Variants in NELL2 observed in about 807,000 individuals in gnomAD.
NELL2 encodes the protein neural EGFL like 2.
A neutral mutation model predicts 109.6 loss-of-function variants in NELL2; 41 were observed. The observed-to-expected ratio is 0.37, with a 90% CI of 0.29 to 0.49. The LOEUF (loss-of-function observed/expected upper bound fraction) is 0.49. Among genes scored for constraint, NELL2 ranks in the 20% least tolerant of loss-of-function variants. The pLI is 0.98. For synonymous variants in NELL2, 355 were observed against 344.7 expected (o/e 1.03, Z -0.33); for missense variants, 900 against 1,008.3 (o/e 0.89, Z 1.45).
intron 3 of NELL2, among the ~76,000 whole-genome samples, chr12:44,806,504 A>C (rs1487286363): frequency 6.6e-6 from 1 of 151,912 alleles, no homozygotes; most frequent in Non-Finnish European, 1.5e-5. Context: ...AATTGTATAC[A>C]TATTAAAATC....
chr12:44,865,932 T>C (rs536466992), intron 2 of NELL2, among the ~76,000 whole-genome samples: 1 of 152,252 alleles, frequency 6.6e-6, no homozygotes, highest in Non-Finnish European at 1.5e-5. Context: ...CTTTCCGAGA[T>C]TCAAATGTTG....
intron 13 of NELL2, among the ~76,000 whole-genome samples, chr12:44,650,753 GTCTTTCTTTCTTTCTT>G (rs34696718): frequency 0.039 from 5,895 of 150,538 alleles, 368 homozygotes; most frequent in African/African-American, 0.13. Context: ...AGAGGTCTCT[GTCTTTCTTTCTTTCTT>G]TCTTTCTTTC....
At chr12:44,739,149 G>A (rs923437554) in intron 9 of NELL2, among the ~76,000 whole-genome samples, 1 of 152,024 alleles carries the variant, frequency 6.6e-6, no homozygotes, top group Non-Finnish European at 1.5e-5. Context: ...AGTCCCAAGG[G>A]TTGCCTCTCA....
chr12:44,832,036 T>A (rs1943904383), intron 2 of NELL2, among the ~76,000 whole-genome samples: 2 of 152,252 alleles, frequency 1.3e-5, no homozygotes, highest in Admixed American at 6.5e-5. Flanking sequence ...AATTTTTTTC[T>A]GTATAAAAAC....
intron 13 of NELL2, among the ~76,000 whole-genome samples, chr12:44,635,618 C>G (rs1324177294): frequency 6.6e-6 from 1 of 151,938 alleles, no homozygotes; most frequent in African/African-American, 2.4e-5. Flanking sequence ...ATTTCTGAGG[C>G]CTCTGTTCTG....
rs925589161 is a variant in NELL2 at position 44,600,166 on chromosome 12, T to G, written c.1663+7003A>C. 1.2e-4 allele frequency among the ~76,000 whole-genome samples: 18 copies of G among 148,312 alleles called. No homozygotes were observed. The East Asian group carries it at 3.5e-3, about 29-fold the overall frequency. On this transcript the variant is annotated intron_variant, in intron 15 of 19. Coordinates refer to ENST00000429094, the MANE Select transcript of NELL2 (RefSeq NM_001145108.2). ...TTTATTTATTTATTTATTTATTTAT[T>G]TATTTATTTATTTATTGTATTTTTA... is the stretch of plus-strand genomic sequence containing the variant.
intron 13 of NELL2, among the ~76,000 whole-genome samples, chr12:44,625,448 C>T (rs998563319): frequency 6.6e-6 from 1 of 152,068 alleles, no homozygotes; most frequent in Non-Finnish European, 1.5e-5. Context: ...CAAAAGGAGG[C>T]CCCTAGCTCC....
At chr12:44,761,021 ATAAT>A (rs1360440742) in intron 9 of NELL2, among the ~76,000 whole-genome samples, 3 of 152,236 alleles carry the variant, frequency 2.0e-5, no homozygotes, top group Admixed American at 6.5e-5. Context: ...AAAAATGCAA[ATAAT>A]TAATTTTTAA....
At chr12:44,631,060 G>T (rs1311489943) in intron 13 of NELL2, among the ~76,000 whole-genome samples, 1 of 151,662 alleles carries the variant, frequency 6.6e-6, no homozygotes, top group Admixed American at 6.6e-5. Context: ...CATCCTCATT[G>T]AATTTCCTAC....
chr12:44,559,928 G>C (rs1445296870), intron 15 of NELL2, among the ~76,000 whole-genome samples: 1 of 152,110 alleles, frequency 6.6e-6, no homozygotes, highest in Non-Finnish European at 1.5e-5. Flanking sequence ...ATAACTGGAA[G>C]TAAAAACTCC....
chr12:44,519,837 T>G (rs1047754755), intron 19 of NELL2, among the ~76,000 whole-genome samples, 168 bp downstream of exon 19: 5 of 137,648 alleles, frequency 3.6e-5, no homozygotes, highest in African/African-American at 1.7e-4. Flanking sequence ...TGGATGTCCA[T>G]GACAGCCCTG....
intron 12 of NELL2, among the ~76,000 whole-genome samples, chr12:44,677,830 A>G (rs2048924309): frequency 6.6e-6 from 1 of 152,104 alleles, no homozygotes; most frequent in African/African-American, 2.4e-5. Flanking sequence ...GTGGGTCCAT[A>G]GTGTAGGGAA....
intron 15 of NELL2, among the ~76,000 whole-genome samples, chr12:44,561,305 C>T (rs957910293): frequency 6.6e-6 from 1 of 152,152 alleles, no homozygotes; most frequent in African/African-American, 2.4e-5. Flanking sequence ...TCCTATTCAA[C>T]ATAGTATTGG....
chr12:44,752,963 G>T (rs974016469), intron 9 of NELL2, among the ~76,000 whole-genome samples: 1 of 152,146 alleles, frequency 6.6e-6, no homozygotes. Flanking sequence ...GCACGGTCTT[G>T]TAAGCCACAG....
At chr12:44,747,296 T>C (rs543483881) in intron 9 of NELL2, among the ~76,000 whole-genome samples, 4 of 151,792 alleles carry the variant, frequency 2.6e-5, no homozygotes, top group Non-Finnish European at 4.4e-5. Context: ...CCGGGGACTG[T>C]TGTAAGGTGG....
At chr12:44,614,481 G>C (rs4768563) in intron 13 of NELL2, among the ~76,000 whole-genome samples, 88,585 of 151,612 alleles carry the variant, frequency 0.58, 26,469 homozygotes, top group East Asian at 0.72. Context: ...TTCTGCATCT[G>C]TACATACAAT....
chr12:44,809,058 C>A (rs1228062656), intron 3 of NELL2, among the ~76,000 whole-genome samples: 1 of 151,874 alleles, frequency 6.6e-6, no homozygotes, highest in Non-Finnish European at 1.5e-5. Context: ...CCCCTTGGAA[C>A]AAATTTGTAT....
chr12:44,587,435 A>G (rs2136220129), intron 15 of NELL2, among the ~76,000 whole-genome samples: 1 of 151,632 alleles, frequency 6.6e-6, no homozygotes, highest in East Asian at 1.9e-4. Flanking sequence ...ATCCATTAGA[A>G]ATATATTACA....
intron 13 of NELL2, among the ~76,000 whole-genome samples, chr12:44,658,673 G>C (rs1274224485): frequency 1.3e-5 from 2 of 151,924 alleles, no homozygotes; most frequent in South Asian, 4.2e-4. Flanking sequence ...TCAGGAGATC[G>C]AGACCATCCT....
Sources: allele counts gnomAD v4.1 joint callset (sites outside exome capture counted in the v4.1 genomes callset), GRCh38; gene constraint gnomAD v4.1.1; transcripts MANE v1.5; gene names NCBI Gene and HGNC (gene_info 2026-07-23, HGNC 2026-07-21).